The following POLR2D variants were observed in gnomAD, a reference collection of about 807,000 sequenced individuals.
POLR2D encodes RNA polymerase II subunit D.
In POLR2D, 10 loss-of-function variants were observed where a neutral mutation model predicts 17.6. The observed-to-expected ratio is 0.57, with a 90% CI of 0.35 to 0.96. The LOEUF is 0.96. POLR2D is among the 40% of genes least tolerant of loss of function. The pLI is 0.02. For synonymous variants in POLR2D, 52 were observed against 60.2 expected (o/e 0.86, Z 0.63); for missense variants, 126 against 176.4 (o/e 0.71, Z 1.62).
chr2:127,856,331 C>T (rs1690329496), intron 1 of POLR2D, among the ~76,000 whole-genome samples: 1 of 110,376 alleles, frequency 9.1e-6, no homozygotes, highest in African/African-American at 3.1e-5. Context: ...GTGGCTCACA[C>T]CTGTAATCTC....
intron 1 of POLR2D, among the ~76,000 whole-genome samples, chr2:127,853,345 G>T (rs1690279193): frequency 6.6e-6 from 1 of 152,138 alleles, no homozygotes; most frequent in Non-Finnish European, 1.5e-5. Context: ...CAAGTGATAA[G>T]CATAGTACTG....
intron 3 of POLR2D, among the ~76,000 whole-genome samples, chr2:127,849,170 G>C (rs561137390): frequency 2.0e-4 from 30 of 151,646 alleles, no homozygotes; most frequent in Non-Finnish European, 3.5e-4. Flanking sequence ...TCAGCCTCCC[G>C]AGTAGCCGGG....
At chr2:127,850,959 G>A (rs1399281964) in intron 2 of POLR2D, among the ~76,000 whole-genome samples, 2 of 152,062 alleles carry the variant, frequency 1.3e-5, no homozygotes, top group African/African-American at 4.8e-5. Flanking sequence ...AGTGGCTCAC[G>A]CCTGTAATCC....
Position 127,858,119 on chromosome 2 carries a change from G to T in POLR2D, c.-19C>A. On this transcript the variant is annotated 5_prime_UTR_variant, in exon 1 of 4. Coordinates refer to ENST00000272645, the MANE Select transcript of POLR2D (RefSeq NM_004805.4). ...CCGCCATCGCCGCGCCGCGCCGCGC[G>T]CCACCACCAGCGCCGCCGGAAGCAG... 4.2e-6 allele frequency: 6 copies of T among 1,444,938 alleles called. No homozygotes were observed. Among genetic ancestry groups the T allele is most frequent in the Non-Finnish European group, 5.5e-6 (6 of 1,094,334 alleles). 89.5% of individuals were successfully genotyped at this position (1,444,938 alleles called of 1,614,324 possible).
chr2:127,857,923 C>T, intron 1 of POLR2D, 105 bp downstream of exon 1: 4 of 1,465,606 alleles, frequency 2.7e-6, no homozygotes, highest in Non-Finnish European at 3.6e-6. Context: ...CTGGGGCTTG[C>T]CCAAGCCGCC....
At chr2:127,854,232 A>C (rs3816127) in intron 1 of POLR2D, among the ~76,000 whole-genome samples, 12,450 of 152,238 alleles carry the variant, frequency 0.082, 587 homozygotes, top group Middle Eastern at 0.22. Flanking sequence ...ACATTTCTAC[A>C]ATAGTTCTGT....
chr2:127,848,039 CCA>C lies in POLR2D; in HGVS notation c.*66_*67del. On this transcript the variant is annotated 3_prime_UTR_variant, in exon 4 of 4. Transcript: ENST00000272645. ...AACAGAATTTCTGTGCAAGTCAGCC[CCA>C]GACAGTGGGAAGGTGGTGTTATGCC... The C allele has an allele frequency of 9.4e-7, 1 of 1,060,804 alleles. No individual in the cohort carries two copies. Among genetic ancestry groups the C allele is most frequent in the Non-Finnish European group, 1.5e-6 (1 of 675,806 alleles). The allele number at this position is 1,060,804 out of a possible 1,614,324, so 65.7% of individuals were successfully genotyped here. A position where few individuals can be genotyped will look rare whatever the true frequency, so the allele number is the denominator to read the frequency against.
chr2:127,857,507 T>C (rs1384273992), intron 1 of POLR2D, among the ~76,000 whole-genome samples: 1 of 152,192 alleles, frequency 6.6e-6, no homozygotes, highest in Non-Finnish European at 1.5e-5. Context: ...TCTGCCTCTG[T>C]GGGAGGGTAG....
chr2:127,847,635 A>C lies in POLR2D; in HGVS notation c.*472T>G, dbSNP rs1690178147. 1 of 137,726 alleles carries C rather than the reference A, an allele frequency of 7.3e-6. No homozygotes were observed. The highest frequency in any genetic ancestry group is 2.1e-4 in the South Asian group (1 of 4,662). The allele number at this position is 137,726 out of a possible 1,614,324, so 8.5% of individuals were successfully genotyped here. ...AGAGTTAAGACCCTATCTCCATTTA[A>C]AAAAAAAAAAAAAAAGCATTTCAAA... On this transcript the variant is annotated 3_prime_UTR_variant, in exon 4 of 4. Transcript: ENST00000272645.
Position 127,856,290 on chromosome 2 carries a change from C to CAAAAAAAAAAAAGAAAAAAA in POLR2D, c.73+1737_73+1738insTTTTTTTCTTTTTTTTTTTT, listed in dbSNP as rs1690326893. 7.9e-5 allele frequency among the ~76,000 whole-genome samples: 2 copies of CAAAAAAAAAAAAGAAAAAAA among 25,416 alleles called. 1 individual carries two copies. Among genetic ancestry groups the CAAAAAAAAAAAAGAAAAAAA allele is most frequent in the Non-Finnish European group, 1.4e-4 (2 of 14,304 alleles). The allele number at this position is 25,416 out of a possible 152,430, so 16.7% of individuals were successfully genotyped here. A position where few individuals can be genotyped will look rare whatever the true frequency, so the allele number is the denominator to read the frequency against. On this transcript the variant is annotated intron_variant, in intron 1 of 3. Transcript: ENST00000272645. ...TAGGTAGCAGAATGAGATCCCGTCT[C>CAAAAAAAAAAAAGAAAAAAA]AAAAAAAAAAAAAAAAAAAGGCAGG...
chr2:127,853,310 T>G (rs1245430229), intron 1 of POLR2D, among the ~76,000 whole-genome samples: 1 of 152,146 alleles, frequency 6.6e-6, no homozygotes, highest in Non-Finnish European at 1.5e-5. Context: ...TTGTGAAGGT[T>G]TGGCGAACAG....
At chr2:127,856,623 TAAC>T (rs1339197750) in intron 1 of POLR2D, among the ~76,000 whole-genome samples, 3 of 151,724 alleles carry the variant, frequency 2.0e-5, no homozygotes, top group African/African-American at 4.8e-5. Context: ...AAAAATAAAT[TAAC>T]AACTAAAATA....
intron 1 of POLR2D, among the ~76,000 whole-genome samples, chr2:127,855,394 CAAAA>C (rs747725989): frequency 2.7e-4 from 14 of 51,254 alleles, no homozygotes; most frequent in Non-Finnish European, 5.0e-4. Flanking sequence ...AACTCCGTCT[CAAAA>C]AAAAAAAAAA....
chr2:127,857,343 A>C (rs954481506), intron 1 of POLR2D, among the ~76,000 whole-genome samples: 2 of 152,176 alleles, frequency 1.3e-5, no homozygotes, highest in Non-Finnish European at 2.9e-5. Flanking sequence ...AAATCAATAA[A>C]GTGTAAGACA....
chr2:127,855,871 T>A (rs1690320312), intron 1 of POLR2D, among the ~76,000 whole-genome samples: 1 of 152,238 alleles, frequency 6.6e-6, no homozygotes, highest in Non-Finnish European at 1.5e-5. Flanking sequence ...TGCCTGTTAT[T>A]TTCTCTTGTG....
chr2:127,848,675 C>T (rs1257404570), intron 3 of POLR2D, among the ~76,000 whole-genome samples: 1 of 152,218 alleles, frequency 6.6e-6, no homozygotes, highest in Non-Finnish European at 1.5e-5. Flanking sequence ...CGCCACCACG[C>T]CCAGCTAATT....
At chr2:127,853,855 G>C (rs546750220) in intron 1 of POLR2D, among the ~76,000 whole-genome samples, 2 of 152,232 alleles carry the variant, frequency 1.3e-5, no homozygotes, top group South Asian at 2.1e-4. Flanking sequence ...CATACCACAA[G>C]GCACAGTGGA....
intron 3 of POLR2D, among the ~76,000 whole-genome samples, chr2:127,848,690 G>T (rs868415082): frequency 5.9e-5 from 9 of 151,922 alleles, no homozygotes; most frequent in Middle Eastern, 3.4e-3. Context: ...CTAATTTTTT[G>T]TATTTTTAGT....
rs192928554 is a variant in POLR2D, at chr2:127,846,250, A to T, written c.*1857T>A. The T allele has an allele frequency of 5.3e-5, 8 of 151,142 alleles. No homozygotes were observed. Among genetic ancestry groups the T allele is most frequent in the Admixed American group, 3.3e-4 (5 of 15,262 alleles). The allele number at this position is 151,142 out of a possible 1,614,324, so 9.4% of individuals were successfully genotyped here. On this transcript the variant is annotated 3_prime_UTR_variant, in exon 4 of 4. Transcript: ENST00000272645. ...GCAACACAGCCAGACTCTATCTCAA[A>T]AAATAAATAAATAAATAAAAATAAG...
Sources: gnomAD v4.1 joint callset for allele counts (sites outside exome capture counted in the v4.1 genomes callset) on GRCh38, gnomAD v4.1.1 for gene constraint, MANE v1.5 for transcripts, NCBI Gene and HGNC (gene_info 2026-07-23, HGNC 2026-07-21) for gene names.